MPC1: variants seen among roughly 807,000 people sequenced by gnomAD.
MPC1 encodes the protein mitochondrial pyruvate carrier 1.
Under a neutral mutation model 13.9 loss-of-function variants are expected in MPC1, and 6 were observed. That is an observed-to-expected ratio of 0.43 (90% CI 0.24 to 0.85). The LOEUF (loss-of-function observed/expected upper bound fraction) is 0.85. Among genes scored for constraint, MPC1 ranks in the 40% least tolerant of loss-of-function variants. The probability of loss-of-function intolerance (pLI) is 0.24; values close to 1 mark genes in which losing one functional copy is unlikely to be tolerated. For synonymous variants in MPC1, 47 were observed against 50.5 expected (o/e 0.93, Z 0.29); for missense variants, 115 against 143.3 (o/e 0.80, Z 1.01).
At chr6:166,382,015 A>G (rs972144577) in intron 1 of MPC1, among the ~76,000 whole-genome samples, 4 of 151,932 alleles carry the variant, frequency 2.6e-5, no homozygotes, top group Non-Finnish European at 2.9e-5. Context: ...CCCACCCCAC[A>G]CCCAGGTCGC....
chr6:166,377,107 C>T (rs1348335239), intron 1 of MPC1, among the ~76,000 whole-genome samples: 3 of 150,974 alleles, frequency 2.0e-5, no homozygotes, highest in African/African-American at 7.3e-5. Context: ...TCCCTCCTTT[C>T]CTGGCATATC....
At chr6:166,373,070 C>T (rs570880959) in intron 1 of MPC1, among the ~76,000 whole-genome samples, 3 of 152,212 alleles carry the variant, frequency 2.0e-5, no homozygotes, top group East Asian at 1.9e-4. Flanking sequence ...CACCCAGCCC[C>T]GAAACATGCA....
In MPC1 at chr6:166,366,038, A is replaced by G. The variant is rs777253529; in HGVS notation, c.241T>C (p.Phe81Leu). 2 of 1,614,010 alleles carry G rather than the reference A, an allele frequency of 1.2e-6. No homozygotes were observed. Among genetic ancestry groups the G allele is most frequent in the Non-Finnish European group, 1.7e-6 (2 of 1,179,910 alleles). Residue 81 changes from phenylalanine (F) to leucine (L), a missense_variant, in exon 4 of 5, where the codon TTT becomes CTT. Phe to Leu is a conservative substitution (Grantham distance 22, BLOSUM62 0). This residue lies in a region of MPC1 where 71 missense variants were observed against 88.5 expected (regional missense o/e 0.80). Coordinates refer to ENST00000360961, the MANE Select transcript of MPC1 (RefSeq NM_016098.4). ...ACTTCATTTGTTGCGTGGCATGCAA[A>G]CAGAAGCCAGTTCCGAGGCTGTACC... is the stretch of plus-strand genomic sequence containing the variant. Reference protein sequence around the residue: ...YKVQPRNWLLFACHATNEVAQ... With the variant: ...YKVQPRNWLLLACHATNEVAQ...
intron 2 of MPC1, chr6:166,369,417 T>A (rs1301085344): frequency 6.5e-6 from 1 of 153,552 alleles, no homozygotes. Context: ...AGAAAAAAAA[T>A]TAAAAAAATA....
intron 1 of MPC1, among the ~76,000 whole-genome samples, chr6:166,379,180 T>A (rs1779675055): frequency 6.6e-6 from 1 of 151,516 alleles, no homozygotes; most frequent in Non-Finnish European, 1.5e-5. Flanking sequence ...TTCAGTGAAA[T>A]AAAAAAAAAT....
intron 1 of MPC1, among the ~76,000 whole-genome samples, chr6:166,381,603 C>T (rs1445114844): frequency 2.0e-5 from 3 of 152,214 alleles, no homozygotes; most frequent in South Asian, 2.1e-4. Flanking sequence ...TCCTAAATAA[C>T]CTAAAACTGC....
rs747159356 is a variant in MPC1 at position 166,370,161 on chromosome 6, C to T, written c.75+57G>A. ...AGGATGCTAAGCCTGTTACCCCTAA[C>T]TCTGTTAATGCAGAAAGTCTGCAAA... On this transcript the variant is annotated intron_variant, in intron 2 of 4. Coordinates refer to ENST00000360961, the MANE Select transcript of MPC1 (RefSeq NM_016098.4). The T allele has an allele frequency of 9.7e-5, 76 of 780,882 alleles. 1 individual carries two copies. The Middle Eastern group carries it at 1.8e-3, about 18-fold the overall frequency. 48.4% of individuals were successfully genotyped at this position (780,882 alleles called of 1,614,324 possible). A position where few individuals can be genotyped will look rare whatever the true frequency, so the allele number is the denominator to read the frequency against.
At chr6:166,366,367 C>T (rs535491913) in intron 3 of MPC1, among the ~76,000 whole-genome samples, 1 of 152,294 alleles carries the variant, frequency 6.6e-6, no homozygotes, top group African/African-American at 2.4e-5. Context: ...GAAATTTGTT[C>T]TAGACACTTT....
rs1779854496 is a variant in MPC1, at chr6:166,382,814, G to A, written c.63C>T (p.Tyr21=). 1.9e-6 allele frequency: 3 copies of A among 1,595,990 alleles called. No individual in the cohort carries two copies. Among genetic ancestry groups the A allele is most frequent in the African/African-American group, 2.7e-5 (2 of 72,906 alleles). The change falls in exon 1 of 5, where the codon TAC becomes TAT. Residue 21 remains tyrosine (Y), a synonymous_variant. Transcript: ENST00000360961. ...CCTGCGGCGCTCGTCACCTCATGAGGTAGTCCCGGAAATCCTTGCTTCGGA... is the reference window on the plus strand; with the variant it reads ...CCTGCGGCGCTCGTCACCTCATGAGATAGTCCCGGAAATCCTTGCTTCGGA... ...DYVRSKDFRD[Y]LMSTHFWGPV... is the part of the protein sequence containing the mutation.
chr6:166,375,446 T>C (rs1779533271), intron 1 of MPC1, among the ~76,000 whole-genome samples: 2 of 112,808 alleles, frequency 1.8e-5, no homozygotes, highest in South Asian at 8.8e-4. Context: ...TTCATTCTAA[T>C]TTGCTTTTTT....
chr6:166,381,910 T>C lies in MPC1; in HGVS notation c.71+896A>G, dbSNP rs2114984679. On this transcript the variant is annotated intron_variant, in intron 1 of 4. Coordinates refer to ENST00000360961, the MANE Select transcript of MPC1 (RefSeq NM_016098.4). Reference sequence around the variant, plus strand: ...AGGCGAACCCAAGGCCAGCACATTTTATTTCCGCTGTCCCAGAAGCGCGCT... The same window carrying C: ...AGGCGAACCCAAGGCCAGCACATTTCATTTCCGCTGTCCCAGAAGCGCGCT... The C allele has an allele frequency of 5.4e-6, 4 of 734,948 alleles. No individual in the cohort carries two copies. In the South Asian group the frequency reaches 2.5e-4, roughly 45 times the overall value. The allele number at this position is 734,948 out of a possible 1,614,324, so 45.5% of individuals were successfully genotyped here.
intron 1 of MPC1, 74 bp from the exon 2 acceptor site, chr6:166,370,295 T>G (rs764721710): frequency 2.9e-6 from 2 of 697,760 alleles, no homozygotes; most frequent in Non-Finnish European, 5.2e-6. Flanking sequence ...CAAATGATTT[T>G]GGTCTTATTA....
chr6:166,369,126 G>T (rs138126572), intron 2 of MPC1, among the ~76,000 whole-genome samples: 13 of 152,274 alleles, frequency 8.5e-5, no homozygotes, highest in African/African-American at 3.1e-4. Context: ...AGTATGGGCC[G>T]GGCATGGTGG....
In MPC1 at chr6:166,382,902, T is replaced by C; in HGVS notation, c.-26A>G. The C allele has an allele frequency of 1.9e-6, 3 of 1,585,974 alleles. No individual in the cohort carries two copies. Among genetic ancestry groups the C allele is most frequent in the Non-Finnish European group, 2.6e-6 (3 of 1,168,898 alleles). On this transcript the variant is annotated 5_prime_UTR_variant, in exon 1 of 5. Transcript: ENST00000360961. ...GGCTGTGCCGACACCAGACCCCGAG[T>C]GGTCCCTGCCTCTGCTGCCGCTTCC...
intron 1 of MPC1, chr6:166,370,425 CT>C (rs1779337134): frequency 1.9e-6 from 1 of 532,748 alleles, no homozygotes; most frequent in South Asian, 2.7e-5. Context: ...AGAACTTTGA[CT>C]TCATGAAATT....
chr6:166,375,880 CTGA>C (rs754904791), intron 1 of MPC1, among the ~76,000 whole-genome samples: 4 of 152,138 alleles, frequency 2.6e-5, no homozygotes, highest in Non-Finnish European at 5.9e-5. Flanking sequence ...TAGCAGTCTA[CTGA>C]TGTTCATCAT....
chr6:166,370,974 A>T (rs1276566996), intron 1 of MPC1, among the ~76,000 whole-genome samples: 3 of 152,252 alleles, frequency 2.0e-5, no homozygotes, highest in Non-Finnish European at 4.4e-5. Context: ...GACCTTTTAC[A>T]TGCTTTTTCA....
intron 1 of MPC1, among the ~76,000 whole-genome samples, chr6:166,382,309 C>T (rs1779822313): frequency 1.3e-5 from 2 of 150,974 alleles, no homozygotes; most frequent in Admixed American, 1.3e-4. Flanking sequence ...GTCCCCACTG[C>T]CACTCTGGCC....
rs1169580498 is a variant in MPC1 at position 166,367,093 on chromosome 6, T to C, written c.76-202A>G. ...AAGTGTTCCTGTAGGAATCAGCAGT[T>C]CTTACAGCTGAGCCCAGAGCTAGAA... On this transcript the variant is annotated intron_variant, in intron 2 of 4. Coordinates refer to ENST00000360961, the MANE Select transcript of MPC1 (RefSeq NM_016098.4). The C allele has an allele frequency of 4.2e-6, 6 of 1,424,374 alleles. No homozygotes were observed. The East Asian group carries it at 1.8e-4, about 42-fold the overall frequency. The allele number at this position is 1,424,374 out of a possible 1,614,324, so 88.2% of individuals were successfully genotyped here.
Sources: allele counts gnomAD v4.1 joint callset (sites outside exome capture counted in the v4.1 genomes callset), GRCh38; gene constraint gnomAD v4.1.1; regional missense constraint gnomAD v4.1.1; transcripts MANE v1.5; gene names NCBI Gene and HGNC (gene_info 2026-07-23, HGNC 2026-07-21).